ARSF: variants seen among roughly 807,000 people sequenced by gnomAD.
ARSF encodes the protein arylsulfatase F.
A neutral mutation model predicts 35.4 loss-of-function variants in ARSF; 33 were observed. The ratio of observed to expected loss-of-function variants is 0.93; its 90% CI spans 0.71 to 1.25. The LOEUF (loss-of-function observed/expected upper bound fraction) is 1.25, where lower values mean the gene tolerates loss of function less well. ARSF is among the 50% of genes most tolerant of loss of function. The probability of loss-of-function intolerance (pLI) is 0.00; values close to 1 mark genes in which losing one functional copy is unlikely to be tolerated. For synonymous variants in ARSF, 222 were observed against 193.1 expected (o/e 1.15, Z -1.24); for missense variants, 501 against 480.2 (o/e 1.04, Z -0.40).
In ARSF at chrX:3,098,387, T is replaced by C. The variant is rs752124152; in HGVS notation, c.968-2700T>C. Reference sequence around the variant, plus strand: ...AGAGAGATGCATCTACAAGAGTATGTGATATGGTTTGGCTGTGTCCCCACC... The same window carrying C: ...AGAGAGATGCATCTACAAGAGTATGCGATATGGTTTGGCTGTGTCCCCACC... On this transcript the variant is annotated intron_variant, in intron 7 of 10. Transcript: ENST00000381127. 1.7e-4 allele frequency among the ~76,000 whole-genome samples: 19 copies of C among 111,406 alleles called. No homozygotes were observed. The South Asian group carries it at 6.5e-3, about 38-fold the overall frequency.
At chrX:3,054,836 C>T (rs1007986226) in intron 1 of ARSF, among the ~76,000 whole-genome samples, 15 of 107,459 alleles carry the variant, frequency 1.4e-4, no homozygotes, top group African/African-American at 4.1e-4. Context: ...CAGGTTCAAG[C>T]GATTCTCCTG....
chrX:3,103,671 CTT>C (rs1357420978), intron 8 of ARSF, 89 bp from the exon 9 acceptor site: 3 of 1,068,691 alleles, frequency 2.8e-6, no homozygotes, highest in Non-Finnish European at 3.8e-6. Context: ...AATGTGATCT[CTT>C]TTGATACTAG....
Position 3,103,339 on chromosome X carries a change from A to T in ARSF, c.1103-423A>T, listed in dbSNP as rs183411767. Among the ~76,000 whole-genome samples the T allele has an allele frequency of 1.2e-3, 134 of 111,648 alleles. 1 individual carries two copies. The highest frequency in any genetic ancestry group is 2.2e-3 in the Non-Finnish European group (115 of 53,153). ...TTCTGGGGTGGGACTGCCATTTCAA[A>T]TAAAATGTTCAGGCACGCCTCATTG... On this transcript the variant is annotated intron_variant, in intron 8 of 10. Transcript: ENST00000381127.
chrX:3,102,864 A>G (rs1020616062), intron 8 of ARSF, among the ~76,000 whole-genome samples: 2 of 110,340 alleles, frequency 1.8e-5, no homozygotes, highest in Non-Finnish European at 3.8e-5. Flanking sequence ...GTGAGCCGCG[A>G]TAGCACCACT....
intron 6 of ARSF, among the ~76,000 whole-genome samples, chrX:3,087,160 C>A (rs754781233): frequency 8.9e-6 from 1 of 111,861 alleles, no homozygotes; most frequent in Non-Finnish European, 1.9e-5. Context: ...CTGCAAAAAC[C>A]TTTTACCATG....
chrX:3,086,238 A>T (rs1039124999), intron 6 of ARSF, among the ~76,000 whole-genome samples: 1 of 112,062 alleles, frequency 8.9e-6, no homozygotes, highest in African/African-American at 3.2e-5. Context: ...TCTGTCTGCC[A>T]GTTCGTCTTC....
chrX:3,076,609 G>T lies in ARSF; in HGVS notation c.223G>T (p.Ala75Ser). 2 of 1,210,428 alleles carry T rather than the reference G, an allele frequency of 1.7e-6. No individual in the cohort carries two copies. The highest frequency in any genetic ancestry group is 2.2e-6 in the Non-Finnish European group (2 of 895,168). The change falls in exon 4 of 11, where the codon GCC becomes TCC. Residue 75 changes from alanine to serine, a missense_variant. Transcript: ENST00000381127. ...GVRLTQHISAASLCSPSRSAF... is the reference protein window; with the variant it reads ...GVRLTQHISASSLCSPSRSAF... The stretch of plus-strand genomic sequence containing the variant: ...GCGACTGACTCAGCACATCTCTGCC[G>T]CCTCCCTCTGCAGCCCAAGCCGGTC...
chrX:3,061,626 G>GC (rs200568930), intron 1 of ARSF, among the ~76,000 whole-genome samples: 2 of 109,424 alleles, frequency 1.8e-5, no homozygotes, highest in Non-Finnish European at 3.8e-5. Context: ...CAAATGGAAA[G>GC]CAAAAAAAAA....
Position 3,112,355 on chromosome X carries a change from G to A in ARSF, c.1572G>A (p.Glu524=). The change falls in exon 11 of 11, where the codon GAG becomes GAA. Residue 524 remains glutamate, a synonymous_variant. Coordinates refer to ENST00000381127, the MANE Select transcript of ARSF (RefSeq NM_001201539.2). The stretch of plus-strand genomic sequence containing the variant: ...CCACACCCCTGACACCTGCCACAGA[G>A]CCCCTCCATGATTTTGTGATTAAAA... ...SESTPLTPAT[E]PLHDFVIKKV... is the part of the protein sequence containing the mutation. The A allele has an allele frequency of 4.1e-6, 5 of 1,208,906 alleles. No homozygotes were observed. Among genetic ancestry groups the A allele is most frequent in the Non-Finnish European group, 4.5e-6 (4 of 895,024 alleles).
chrX:3,076,813 G>T, intron 4 of ARSF, 144 bp downstream of exon 4: 1 of 878,099 alleles, frequency 1.1e-6, no homozygotes, highest in Non-Finnish European at 1.5e-6. Context: ...GGGAGGCCAA[G>T]GTGGGAGGAT....
At chrX:3,084,752 G>GTT in intron 6 of ARSF, 86 bp downstream of exon 6, 5 of 914,965 alleles carry the variant, frequency 5.5e-6, no homozygotes, top group Non-Finnish European at 7.3e-6. Flanking sequence ...GGTGATTGTA[G>GTT]TTTATAATAA....
At chrX:3,054,678 G>A (rs2090010126) in intron 1 of ARSF, among the ~76,000 whole-genome samples, 1 of 109,526 alleles carries the variant, frequency 9.1e-6, no homozygotes, top group Admixed American at 9.8e-5. Context: ...AAGCATTCAT[G>A]AAAGTTTAGA....
At chrX:3,045,179 C>T (rs918003430) in intron 1 of ARSF, among the ~76,000 whole-genome samples, 1 of 111,546 alleles carries the variant, frequency 9.0e-6, no homozygotes, top group Non-Finnish European at 1.9e-5. Flanking sequence ...GAATGAGAAA[C>T]CTTTGACTTT....
At chrX:3,086,306 T>C (rs1330882546) in intron 6 of ARSF, among the ~76,000 whole-genome samples, 3 of 112,417 alleles carry the variant, frequency 2.7e-5, no homozygotes, top group Non-Finnish European at 3.7e-5. Context: ...GAACAGATCC[T>C]ATGGTTGAGA....
chrX:3,058,534 T>C, intron 1 of ARSF: 1 of 298,545 alleles, frequency 3.3e-6, no homozygotes, highest in Non-Finnish European at 6.5e-6. Flanking sequence ...TAAAAGGGAG[T>C]CAGAAAAGGC....
intron 9 of ARSF, among the ~76,000 whole-genome samples, chrX:3,106,058 G>A (rs1012705464): frequency 1.8e-5 from 2 of 111,852 alleles, no homozygotes; most frequent in African/African-American, 6.5e-5. Flanking sequence ...TCGGCGCCAT[G>A]AGATTACATG....
At chrX:3,094,699 G>A (rs1234775742) in intron 7 of ARSF, among the ~76,000 whole-genome samples, 1 of 111,102 alleles carries the variant, frequency 9.0e-6, no homozygotes, top group East Asian at 2.8e-4. Context: ...GTGAGTGGTG[G>A]AATCCCAGGG....
chrX:3,080,329 C>CT (rs2090190504), intron 4 of ARSF, among the ~76,000 whole-genome samples: 1 of 109,804 alleles, frequency 9.1e-6, no homozygotes, highest in African/African-American at 3.3e-5. Flanking sequence ...CAAAAATTAG[C>CT]TGGGTGTGGT....
intron 1 of ARSF, among the ~76,000 whole-genome samples, chrX:3,067,764 C>T (rs2090075504): frequency 9.2e-6 from 1 of 108,689 alleles, no homozygotes; most frequent in African/African-American, 3.4e-5. Context: ...GAGGCTGAGG[C>T]AGGAGAATGG....
Sources: allele counts gnomAD v4.1 joint callset (sites outside exome capture counted in the v4.1 genomes callset), GRCh38; gene constraint gnomAD v4.1.1; transcripts MANE v1.5; gene names NCBI Gene and HGNC (gene_info 2026-07-23, HGNC 2026-07-21).